The following ENOX2 variants were observed in gnomAD, a reference collection of about 807,000 sequenced individuals.
ENOX2 encodes the protein ecto-NOX disulfide-thiol exchanger 2.
Under a neutral mutation model 45.0 loss-of-function variants are expected in ENOX2, and 36 were observed. The observed-to-expected ratio is 0.80, with a 90% CI of 0.61 to 1.06. The LOEUF (loss-of-function observed/expected upper bound fraction) is 1.06, where lower values mean the gene tolerates loss of function less well. Ranked by LOEUF, ENOX2 falls within the 50% of genes least tolerant of loss-of-function variation. The probability of loss-of-function intolerance (pLI) is 0.00; values close to 1 mark genes in which losing one functional copy is unlikely to be tolerated. For synonymous variants in ENOX2, 174 were observed against 152.3 expected, an observed-to-expected ratio of 1.14 and a Z score of -1.05; for missense variants, 423 against 462.5, an observed-to-expected ratio of 0.91 and a Z score of 0.78.
chrX:130,681,321 C>G (rs2037295465), intron 5 of ENOX2, among the ~76,000 whole-genome samples: 1 of 112,248 alleles, frequency 8.9e-6, no homozygotes, highest in Admixed American at 9.4e-5. Context: ...GGAAGTTAAA[C>G]AAATAATGCC....
chrX:130,708,703 A>G (rs2148235566), intron 3 of ENOX2, among the ~76,000 whole-genome samples: 1 of 112,447 alleles, frequency 8.9e-6, no homozygotes, highest in African/African-American at 3.2e-5. Flanking sequence ...TTAAACAAAT[A>G]CATGAGGAAA....
At chrX:130,835,270 CAG>C (rs1310279707) in intron 2 of ENOX2, among the ~76,000 whole-genome samples, 7 of 111,584 alleles carry the variant, frequency 6.3e-5, no homozygotes, top group Non-Finnish European at 1.9e-5. Flanking sequence ...CTATCATTCA[CAG>C]AGAGTTTACT....
intron 10 of ENOX2, among the ~76,000 whole-genome samples, chrX:130,638,431 A>AACAC (rs34648095): frequency 0.041 from 3,803 of 92,724 alleles, 141 homozygotes; most frequent in African/African-American, 0.098. Context: ...AACAATTTGA[A>AACAC]ACACACACAC....
At position 130,669,942 on chromosome X, in the gene ENOX2, T is replaced by C. The variant is rs762725978; in HGVS notation, c.694+23A>G. On this transcript the variant is annotated intron_variant, in intron 7 of 14. Transcript: ENST00000394363. ...CTAAAGAAAAGAGTTCTTTTAATCATGAAGCTTGAGTGCCTTTGATACCTT... is the reference window on the plus strand; with the variant it reads ...CTAAAGAAAAGAGTTCTTTTAATCACGAAGCTTGAGTGCCTTTGATACCTT... 2.4e-5 allele frequency: 26 copies of C among 1,068,234 alleles called. No individual in the cohort carries two copies. The South Asian group carries it at 3.9e-4, about 16-fold the overall frequency. The allele number at this position is 1,068,234 out of a possible 1,213,427, so 88.0% of individuals were successfully genotyped here.
chrX:130,665,494 G>C (rs922462860), intron 9 of ENOX2, 149 bp downstream of exon 9: 20 of 455,691 alleles, frequency 4.4e-5, no homozygotes, highest in Non-Finnish European at 7.0e-5. Flanking sequence ...ACAGTGACAG[G>C]CTATAGAACA....
At chrX:130,827,692 A>G in intron 2 of ENOX2, among the ~76,000 whole-genome samples, 1 of 111,965 alleles carries the variant, frequency 8.9e-6, no homozygotes, top group Non-Finnish European at 1.9e-5. Flanking sequence ...AAAGTATATT[A>G]ATGTCCATCC....
chrX:130,632,417 TCAAA>T (rs1569476940), intron 12 of ENOX2, among the ~76,000 whole-genome samples: 1 of 93,332 alleles, frequency 1.1e-5, no homozygotes, highest in Non-Finnish European at 2.1e-5. Flanking sequence ...TGACCAGCAG[TCAAA>T]CTGAAAAATA....
intron 3 of ENOX2, among the ~76,000 whole-genome samples, chrX:130,769,339 C>T (rs1438483554): frequency 9.0e-6 from 1 of 111,628 alleles, no homozygotes; most frequent in African/African-American, 3.2e-5. Flanking sequence ...AAAGATGTCA[C>T]TAACATTTGG....
chrX:130,818,067 G>A (rs1307303070), intron 2 of ENOX2, among the ~76,000 whole-genome samples: 1 of 111,924 alleles, frequency 8.9e-6, no homozygotes, highest in Non-Finnish European at 1.9e-5. Context: ...ACTTCCGCAA[G>A]GTCTCAGGAT....
At position 130,891,504 on chromosome X, in the gene ENOX2, T is replaced by G. The variant is rs978793942; in HGVS notation, c.-183+10180A>C. 6.2e-4 allele frequency among the ~76,000 whole-genome samples: 58 copies of G among 93,993 alleles called. 1 individual carries two copies. Among genetic ancestry groups the G allele is most frequent in the African/African-American group, 2.1e-3 (54 of 25,216 alleles). 81.6% of individuals were successfully genotyped at this position (93,993 alleles called of 115,157 possible). A position where few individuals can be genotyped will look rare whatever the true frequency, so the allele number is the denominator to read the frequency against. On this transcript the variant is annotated intron_variant, in intron 2 of 14. Transcript: ENST00000394363. ...AACACTATATGGTTTTTTTTTTTTT[T>G]TTTTTTTTTTTTTTGAGAAAGGATC...
At chrX:130,696,017 C>T (rs922199903) in intron 4 of ENOX2, among the ~76,000 whole-genome samples, 1 of 111,639 alleles carries the variant, frequency 9.0e-6, no homozygotes, top group African/African-American at 3.3e-5. Flanking sequence ...ATTCTACCTA[C>T]ATCTGTCCCG....
intron 2 of ENOX2, among the ~76,000 whole-genome samples, chrX:130,847,178 T>G (rs76789226): frequency 2.9e-5 from 3 of 103,110 alleles, no homozygotes; most frequent in East Asian, 5.9e-4. Context: ...GGATGAAGTG[T>G]TTTTTTTTTT....
intron 3 of ENOX2, among the ~76,000 whole-genome samples, chrX:130,768,181 A>G (rs1292203305): frequency 8.9e-6 from 1 of 111,781 alleles, no homozygotes; most frequent in East Asian, 2.8e-4. Context: ...GCAGAATGCA[A>G]TGAAAAAGAA....
At chrX:130,645,072 C>T (rs1183444582) in intron 10 of ENOX2, among the ~76,000 whole-genome samples, 1 of 111,459 alleles carries the variant, frequency 9.0e-6, no homozygotes, top group Non-Finnish European at 1.9e-5. Flanking sequence ...TGAATGTAAA[C>T]TGCTCTAAAA....
chrX:130,650,791 C>T (rs912654162), intron 10 of ENOX2, among the ~76,000 whole-genome samples: 3 of 111,749 alleles, frequency 2.7e-5, no homozygotes, highest in African/African-American at 9.8e-5. Context: ...CTGTGAACTC[C>T]TCTTTTTAGC....
At chrX:130,890,417 AT>A (rs368723498) in intron 2 of ENOX2, among the ~76,000 whole-genome samples, 9 of 111,746 alleles carry the variant, frequency 8.1e-5, no homozygotes, top group African/African-American at 2.9e-4. Context: ...AGCCTGACTG[AT>A]TTTTTTCAAA....
At chrX:130,781,374 T>C (rs957382080) in intron 3 of ENOX2, among the ~76,000 whole-genome samples, 15 of 112,456 alleles carry the variant, frequency 1.3e-4, no homozygotes, top group Non-Finnish European at 2.3e-4. Flanking sequence ...GCATATTCAT[T>C]ATTTGAATGC....
In ENOX2 at chrX:130,894,231, C is replaced by T. The variant is rs149158349; in HGVS notation, c.-183+7453G>A. On this transcript the variant is annotated intron_variant, in intron 2 of 14. Transcript: ENST00000394363. ...GACTTTATAATCCTTTGGATATACA[C>T]CCAGTAATGGGATTGCTTGGGTCAA... Among the ~76,000 whole-genome samples, 655 of 111,347 alleles carry T rather than the reference C, an allele frequency of 5.9e-3. 7 individuals are homozygous for T. The highest frequency in any genetic ancestry group is 0.02 in the African/African-American group (612 of 30,614).
At chrX:130,853,636 C>A (rs2078259572) in intron 2 of ENOX2, among the ~76,000 whole-genome samples, 1 of 110,479 alleles carries the variant, frequency 9.1e-6, no homozygotes, top group South Asian at 3.9e-4. Flanking sequence ...GGACTTCCAC[C>A]TTCTCCAGGA....
Sources: allele counts gnomAD v4.1 joint callset (sites outside exome capture counted in the v4.1 genomes callset), GRCh38; gene constraint gnomAD v4.1.1; transcripts MANE v1.5; gene names NCBI Gene and HGNC (gene_info 2026-07-23, HGNC 2026-07-21).